Variants in GNG2 observed in about 807,000 individuals in gnomAD.
GNG2 encodes the protein G protein subunit gamma 2.
In GNG2, 5 loss-of-function variants were observed where a neutral mutation model predicts 5.5. That is an observed-to-expected ratio of 0.91 (90% CI 0.48 to 1.92). The LOEUF is 1.92. Among genes scored for constraint, GNG2 ranks in the 30% most tolerant of loss-of-function variants. The probability of loss-of-function intolerance (pLI) is 0.01; values close to 1 mark genes in which losing one functional copy is unlikely to be tolerated. For missense variants in GNG2, 55 were observed against 88.4 expected (o/e 0.62, Z 1.52); for synonymous variants, 28 against 32.0 (o/e 0.88, Z 0.42).
chr14:51,895,107 T>C (rs1355005765), intron 2 of GNG2, among the ~76,000 whole-genome samples: 1 of 151,518 alleles, frequency 6.6e-6, no homozygotes, highest in African/African-American at 2.4e-5. Context: ...TAAAAAGCCA[T>C]TTAGTGAAAA....
intron 2 of GNG2, among the ~76,000 whole-genome samples, chr14:51,921,162 GCT>G (rs1886994060): frequency 1.3e-5 from 2 of 152,306 alleles, no homozygotes; most frequent in Admixed American, 1.3e-4. Flanking sequence ...TGAAATCCCA[GCT>G]CTGTCACCTA....
At chr14:51,913,036 G>T (rs1886385897) in intron 2 of GNG2, 5 of 152,178 alleles carry the variant, frequency 3.3e-5, no homozygotes, top group African/African-American at 1.2e-4. Context: ...GTTCAGGAAT[G>T]AAGTCTCGTG....
In GNG2 at chr14:51,907,765, C is replaced by T. The variant is rs149630488; in HGVS notation, c.-30+30108C>T. Among the ~76,000 whole-genome samples the T allele has an allele frequency of 3.5e-4, 54 of 152,306 alleles. No homozygotes were observed. The East Asian group carries it at 0.01, about 28-fold the overall frequency. On this transcript the variant is annotated intron_variant, in intron 2 of 3. Transcript: ENST00000556766. Reference sequence around the variant, plus strand: ...TGATCCCGGTGATGTCCCTTGGATTCAGTCCCCCTCTCCTCATCATTAGTG... The same window carrying T: ...TGATCCCGGTGATGTCCCTTGGATTTAGTCCCCCTCTCCTCATCATTAGTG...
intron 2 of GNG2, among the ~76,000 whole-genome samples, chr14:51,929,642 A>C (rs991636049): frequency 9.9e-5 from 15 of 152,246 alleles, no homozygotes; most frequent in Admixed American, 2.6e-4. Context: ...AGTCATGCCT[A>C]TCTCTCCTTC....
At chr14:51,959,639 C>T (rs1889473158) in intron 3 of GNG2, among the ~76,000 whole-genome samples, 1 of 150,996 alleles carries the variant, frequency 6.6e-6, no homozygotes, top group Non-Finnish European at 1.5e-5. Flanking sequence ...GAGTACTGTT[C>T]ACAACACAGC....
chr14:51,934,367 A>T (rs1190518083), intron 2 of GNG2, among the ~76,000 whole-genome samples: 1 of 152,170 alleles, frequency 6.6e-6, no homozygotes, highest in African/African-American at 2.4e-5. Context: ...CTGCATATTC[A>T]TCCACTTTCC....
At chr14:51,898,261 A>T (rs1885331759) in intron 2 of GNG2, among the ~76,000 whole-genome samples, 1 of 152,160 alleles carries the variant, frequency 6.6e-6, no homozygotes, top group African/African-American at 2.4e-5. Context: ...ACAGAGAATT[A>T]TTTTTTTCCT....
At chr14:51,870,289 T>C (rs1883215336) in intron 1 of GNG2, among the ~76,000 whole-genome samples, 1 of 151,844 alleles carries the variant, frequency 6.6e-6, no homozygotes, top group Non-Finnish European at 1.5e-5. Context: ...AGCAATGATC[T>C]AGGTAGGCCA....
chr14:51,833,918 C>T (rs1283887500), intron 2 of GNG2, among the ~76,000 whole-genome samples: 1 of 152,206 alleles, frequency 6.6e-6, no homozygotes, highest in Admixed American at 6.5e-5. Context: ...TGGTAGGGGT[C>T]ATACAGTGTT....
At chr14:51,918,060 A>G (rs1040124852) in intron 2 of GNG2, among the ~76,000 whole-genome samples, 12 of 151,888 alleles carry the variant, frequency 7.9e-5, no homozygotes, top group Non-Finnish European at 1.3e-4. Context: ...AAAAACTGAT[A>G]AAGAAGCCTC....
intron 2 of GNG2, among the ~76,000 whole-genome samples, chr14:51,899,141 C>T (rs1277833288): frequency 1.3e-5 from 2 of 152,144 alleles, no homozygotes; most frequent in South Asian, 2.1e-4. Flanking sequence ...TATTTCTTGT[C>T]CTGACCCCTT....
intron 2 of GNG2, among the ~76,000 whole-genome samples, chr14:51,930,983 C>T (rs1267013634): frequency 6.6e-6 from 1 of 152,184 alleles, no homozygotes; most frequent in African/African-American, 2.4e-5. Flanking sequence ...ATAGTCCCAC[C>T]TGCTAGAGAG....
chr14:51,894,647 GT>G (rs140364237), intron 2 of GNG2, among the ~76,000 whole-genome samples: 4,484 of 151,354 alleles, frequency 0.03, 224 homozygotes, highest in East Asian at 0.2. Flanking sequence ...TTACATTTCA[GT>G]TTTTTTTTAA....
chr14:51,942,601 T>TCTTTCTTTCTTTC (rs1277558601), intron 2 of GNG2, among the ~76,000 whole-genome samples: 8 of 15,388 alleles, frequency 5.2e-4, no homozygotes, highest in East Asian at 3.6e-3. Flanking sequence ...TTTTTTTTTT[T>TCTTTCTTTCTTTC]TTTTTAGAGA....
At chr14:51,870,693 GA>G (rs1883240825) in intron 1 of GNG2, among the ~76,000 whole-genome samples, 1 of 152,176 alleles carries the variant, frequency 6.6e-6, no homozygotes, top group African/African-American at 2.4e-5. Context: ...GAGTTATTTA[GA>G]AAATAGTTTC....
intron 2 of GNG2, among the ~76,000 whole-genome samples, chr14:51,837,388 T>TA (rs1323280359): frequency 6.6e-6 from 1 of 151,926 alleles, no homozygotes; most frequent in African/African-American, 2.4e-5. Context: ...CTCATGCCTG[T>TA]AATCCCAGCA....
intron 3 of GNG2, among the ~76,000 whole-genome samples, chr14:51,959,728 C>T (rs1232710781): frequency 3.6e-5 from 1 of 27,694 alleles, no homozygotes. Context: ...AAGTTTCTAC[C>T]AAAAGATTAT....
At chr14:51,843,426 G>A (rs557409320) in intron 2 of GNG2, among the ~76,000 whole-genome samples, 10 of 152,234 alleles carry the variant, frequency 6.6e-5, no homozygotes, top group East Asian at 3.9e-4. Flanking sequence ...GGGGCCTGTC[G>A]GGGGTGAGGG....
chr14:51,849,828 AC>A (rs1318426261), intron 2 of GNG2, among the ~76,000 whole-genome samples: 4 of 146,050 alleles, frequency 2.7e-5, no homozygotes, highest in South Asian at 2.1e-4. Flanking sequence ...TTTTTTTGAG[AC>A]AAGGTTTCAC....
Sources: allele counts gnomAD v4.1 joint callset (sites outside exome capture counted in the v4.1 genomes callset), GRCh38; gene constraint gnomAD v4.1.1; transcripts MANE v1.5; gene names NCBI Gene and HGNC (gene_info 2026-07-23, HGNC 2026-07-21).